The following MRPS28 variants were observed in gnomAD, a reference collection of about 807,000 sequenced individuals.
The protein encoded by MRPS28 is mitochondrial ribosomal protein S28, also known as small ribosomal subunit protein bS1m.
A neutral mutation model predicts 10.8 loss-of-function variants in MRPS28; 7 were observed. The observed-to-expected ratio is 0.65, with a 90% CI of 0.37 to 1.22. The LOEUF (loss-of-function observed/expected upper bound fraction) is 1.22, where lower values mean the gene tolerates loss of function less well. Ranked by LOEUF, MRPS28 falls within the 50% of genes most tolerant of loss-of-function variation. The pLI is 0.02. For missense variants in MRPS28, 265 were observed against 232.9 expected (o/e 1.14, Z -0.90); for synonymous variants, 121 against 93.3 (o/e 1.30, Z -1.71).
At chr8:79,944,164 A>G (rs886467164) in intron 2 of MRPS28, among the ~76,000 whole-genome samples, 1 of 152,230 alleles carries the variant, frequency 6.6e-6, no homozygotes, top group South Asian at 2.1e-4. Context: ...GATCTGGTTA[A>G]AAAGTATTTT....
chr8:79,983,649 C>T (rs922895298), intron 2 of MRPS28, among the ~76,000 whole-genome samples: 7 of 151,880 alleles, frequency 4.6e-5, no homozygotes, highest in African/African-American at 1.7e-4. Context: ...GGAGCTGATG[C>T]GATCAACTGG....
chr8:79,946,943 G>A (rs1470135146), intron 2 of MRPS28, among the ~76,000 whole-genome samples: 12 of 152,184 alleles, frequency 7.9e-5, no homozygotes, highest in Non-Finnish European at 1.6e-4. Context: ...AAGTAACACT[G>A]TAGCCACTAC....
At chr8:79,996,846 G>A (rs1808513335) in intron 2 of MRPS28, among the ~76,000 whole-genome samples, 1 of 152,198 alleles carries the variant, frequency 6.6e-6, no homozygotes, top group Admixed American at 6.5e-5. Flanking sequence ...ACTATATATT[G>A]TATGATTTAG....
At chr8:80,012,087 G>A (rs1809067513) in intron 1 of MRPS28, among the ~76,000 whole-genome samples, 1 of 150,458 alleles carries the variant, frequency 6.6e-6, no homozygotes. Flanking sequence ...ACTTTTTATA[G>A]GTAACTTTAA....
At chr8:80,027,327 A>G (rs1809517079) in intron 1 of MRPS28, among the ~76,000 whole-genome samples, 2 of 152,194 alleles carry the variant, frequency 1.3e-5, no homozygotes, top group African/African-American at 4.8e-5. Context: ...CTCCACTTTG[A>G]GATAAGACAG....
At chr8:80,015,798 G>A (rs1809180571) in intron 1 of MRPS28, among the ~76,000 whole-genome samples, 1 of 152,142 alleles carries the variant, frequency 6.6e-6, no homozygotes, top group Admixed American at 6.6e-5. Flanking sequence ...GAAGAAATAA[G>A]ATGTAAGAAC....
chr8:79,986,796 A>G (rs1322269103), intron 2 of MRPS28, among the ~76,000 whole-genome samples: 3 of 152,126 alleles, frequency 2.0e-5, no homozygotes, highest in Non-Finnish European at 4.4e-5. Context: ...AAATGGAAGA[A>G]CATTCCATGC....
intron 1 of MRPS28, among the ~76,000 whole-genome samples, chr8:80,005,830 C>A (rs1372411939): frequency 6.6e-6 from 1 of 152,134 alleles, no homozygotes; most frequent in East Asian, 1.9e-4. Flanking sequence ...GCAGCGGTTG[C>A]AATCCTAGTC....
intron 2 of MRPS28, among the ~76,000 whole-genome samples, chr8:79,991,406 C>G (rs1376974895): frequency 1.3e-5 from 2 of 152,126 alleles, no homozygotes. Context: ...CTAGGCCTAG[C>G]AAAGAGCAGC....
Position 80,030,062 on chromosome 8 carries a change from G to A in MRPS28, c.187C>T (p.Leu63=), listed in dbSNP as rs1460269319. ...ASALERHSEL[L]QKVEPLQKGS... is the part of the protein sequence containing the mutation. Reference sequence around the variant, plus strand: ...TTCTGTAGGGGCTCCACCTTCTGTAGAAGCTCCGAGTGCCGCTCCAACGCG... The same window carrying A: ...TTCTGTAGGGGCTCCACCTTCTGTAAAAGCTCCGAGTGCCGCTCCAACGCG... The change falls in exon 1 of 3, where the codon CTA becomes TTA. Residue 63 remains leucine (L), a synonymous_variant. Coordinates refer to ENST00000276585, the MANE Select transcript of MRPS28 (RefSeq NM_014018.3). The A allele has an allele frequency of 5.0e-6, 8 of 1,613,470 alleles. No individual in the cohort carries two copies. In the Admixed American group the frequency reaches 1.0e-4, roughly 20 times the overall value.
intron 2 of MRPS28, among the ~76,000 whole-genome samples, chr8:79,968,212 A>G (rs1232711569): frequency 2.0e-5 from 3 of 152,122 alleles, no homozygotes; most frequent in Non-Finnish European, 4.4e-5. Context: ...AATCTCCAAT[A>G]TATTTTGTAC....
At chr8:80,008,281 A>T (rs1436241121) in intron 1 of MRPS28, among the ~76,000 whole-genome samples, 1 of 152,242 alleles carries the variant, frequency 6.6e-6, no homozygotes, top group Non-Finnish European at 1.5e-5. Context: ...TTCAAGATGG[A>T]TTAAAGACTT....
intron 1 of MRPS28, among the ~76,000 whole-genome samples, chr8:80,027,614 G>A (rs961549091): frequency 2.0e-5 from 3 of 152,224 alleles, no homozygotes; most frequent in African/African-American, 7.2e-5. Flanking sequence ...TCCACAGTGT[G>A]TGTAATGACC....
intron 2 of MRPS28, among the ~76,000 whole-genome samples, chr8:79,972,427 C>G (rs374171848): frequency 1.3e-5 from 2 of 152,096 alleles, no homozygotes; most frequent in South Asian, 4.2e-4. Flanking sequence ...TTTTGGCTAT[C>G]GTGACTAATG....
intron 1 of MRPS28, among the ~76,000 whole-genome samples, chr8:80,013,212 T>G (rs1194596080): frequency 1.3e-5 from 2 of 152,192 alleles, no homozygotes. Flanking sequence ...ATTGGATAAC[T>G]ATAAATTTTC....
chr8:79,938,273 C>A (rs1176935784), intron 2 of MRPS28, among the ~76,000 whole-genome samples: 2 of 151,966 alleles, frequency 1.3e-5, no homozygotes, highest in Non-Finnish European at 2.9e-5. Flanking sequence ...TCGTGATTTG[C>A]ACTTTACATG....
Position 80,029,884 on chromosome 8 carries a change from G to C in MRPS28, c.213+152C>G. 3.3e-6 allele frequency: 5 copies of C among 1,536,402 alleles called. No homozygotes were observed. In the South Asian group the frequency reaches 4.8e-5, roughly 15 times the overall value. ...ACACCAAGCACAGATTCTAGGGGCC[G>C]AGGGCTGAGCCACAACGCACCGCAA... On this transcript the variant is annotated intron_variant, in intron 1 of 2. Transcript: ENST00000276585.
intron 2 of MRPS28, among the ~76,000 whole-genome samples, chr8:79,953,935 C>T (rs756937602): frequency 2.0e-5 from 3 of 152,142 alleles, no homozygotes; most frequent in Non-Finnish European, 4.4e-5. Context: ...AGACAATAAA[C>T]ATGAAAAGTT....
chr8:80,000,070 C>T (rs1808619858), intron 2 of MRPS28, among the ~76,000 whole-genome samples: 1 of 152,194 alleles, frequency 6.6e-6, no homozygotes, highest in African/African-American at 2.4e-5. Flanking sequence ...TGCATATGCA[C>T]TTCAAGAGAG....
Sources: gnomAD v4.1 joint callset for allele counts (sites outside exome capture counted in the v4.1 genomes callset) on GRCh38, gnomAD v4.1.1 for gene constraint, MANE v1.5 for transcripts, NCBI Gene and HGNC (gene_info 2026-07-23, HGNC 2026-07-21) for gene names.